The following ADAMTS2 variants were observed in gnomAD, a reference collection of about 807,000 sequenced individuals.
ADAMTS2 encodes the protein A disintegrin and metalloproteinase with thrombospondin motifs 2.
Under a neutral mutation model 123.0 loss-of-function variants are expected in ADAMTS2, and 50 were observed. The ratio of observed to expected loss-of-function variants is 0.41; its 90% CI spans 0.32 to 0.51. The LOEUF is 0.51. ADAMTS2 is among the 20% of genes least tolerant of loss of function. ADAMTS2 has a pLI of 0.35. For missense variants in ADAMTS2, 1,494 were observed against 1,705.2 expected (o/e 0.88, Z 2.18); for synonymous variants, 678 against 695.4 (o/e 0.98, Z 0.39).
chr5:179,145,924 C>T (rs949453116), intron 10 of ADAMTS2, among the ~76,000 whole-genome samples: 3 of 152,206 alleles, frequency 2.0e-5, no homozygotes, highest in Non-Finnish European at 2.9e-5. Context: ...GAGATCTCGG[C>T]TCACCGCAAC....
intron 3 of ADAMTS2, among the ~76,000 whole-genome samples, chr5:179,264,782 G>A (rs1292840905): frequency 6.6e-6 from 1 of 152,152 alleles, no homozygotes; most frequent in Non-Finnish European, 1.5e-5. Context: ...CTGCACCCAG[G>A]TACAGTGGAG....
rs1763147054 is a variant in ADAMTS2 at position 179,140,638 on chromosome 5, G to A, written c.1630-603C>T. 2.0e-5 allele frequency among the ~76,000 whole-genome samples: 3 copies of A among 152,006 alleles called. No individual in the cohort carries two copies. The South Asian group carries it at 6.2e-4, about 32-fold the overall frequency. ...TTAAGAAGAAGATTGCAAAATTAAA[G>A]AATTAAATTAGGTGCAAAATGGGTT... On this transcript the variant is annotated intron_variant, in intron 10 of 21. Coordinates refer to ENST00000251582, the MANE Select transcript of ADAMTS2 (RefSeq NM_014244.5).
chr5:179,299,116 T>C (rs573094917), intron 2 of ADAMTS2, among the ~76,000 whole-genome samples: 4 of 151,978 alleles, frequency 2.6e-5, no homozygotes, highest in Admixed American at 6.6e-5. Context: ...AACCTAAAGA[T>C]GTTGATACAA....
intron 11 of ADAMTS2, among the ~76,000 whole-genome samples, chr5:179,138,979 TTTTG>T (rs376322301): frequency 2.0e-5 from 3 of 152,156 alleles, no homozygotes; most frequent in Admixed American, 6.5e-5. Context: ...TGGAAATCTG[TTTTG>T]TTTGTTTTTC....
chr5:179,160,884 G>A (rs1283127722), intron 5 of ADAMTS2, among the ~76,000 whole-genome samples: 1 of 152,058 alleles, frequency 6.6e-6, no homozygotes, highest in African/African-American at 2.4e-5. Context: ...TTTTCGGTTG[G>A]AGCATCTAAT....
rs1295183440 is a variant in ADAMTS2, at chr5:179,122,792, C to A, written c.2959-19G>T. On this transcript the variant is annotated intron_variant, in intron 19 of 21. Coordinates refer to ENST00000251582, the MANE Select transcript of ADAMTS2 (RefSeq NM_014244.5). ...CTGAGCACTGCAGGGGGAGAGTCGCCAGGCAGGGTTCACCTCCCACACAGG... is the reference window on the plus strand; with the variant it reads ...CTGAGCACTGCAGGGGGAGAGTCGCAAGGCAGGGTTCACCTCCCACACAGG... The A allele has an allele frequency of 6.4e-7, 1 of 1,552,768 alleles. No individual in the cohort carries two copies.
At chr5:179,182,618 G>T (rs1183968280) in intron 4 of ADAMTS2, among the ~76,000 whole-genome samples, 2 of 152,190 alleles carry the variant, frequency 1.3e-5, no homozygotes, top group Non-Finnish European at 2.9e-5. Flanking sequence ...GTGGGGCAGA[G>T]TTCATGACAT....
intron 13 of ADAMTS2, among the ~76,000 whole-genome samples, chr5:179,135,370 C>T (rs1257954536): frequency 6.6e-6 from 1 of 152,214 alleles, no homozygotes; most frequent in South Asian, 2.1e-4. Context: ...AGTCTATGTT[C>T]ATGTCACCGT....
intron 2 of ADAMTS2, among the ~76,000 whole-genome samples, chr5:179,341,057 C>T (rs1757758190): frequency 6.6e-6 from 1 of 152,166 alleles, no homozygotes; most frequent in Non-Finnish European, 1.5e-5. Flanking sequence ...CCTCCCAGAG[C>T]CTGAGTGCTC....
At chr5:179,271,799 G>T (rs1408510907) in intron 3 of ADAMTS2, among the ~76,000 whole-genome samples, 2 of 152,248 alleles carry the variant, frequency 1.3e-5, no homozygotes, top group South Asian at 2.1e-4. Context: ...AAGTATGCCT[G>T]CCAGGCTGTA....
intron 3 of ADAMTS2, among the ~76,000 whole-genome samples, chr5:179,210,863 C>T (rs1200566068): frequency 6.6e-6 from 1 of 152,234 alleles, no homozygotes; most frequent in Admixed American, 6.5e-5. Flanking sequence ...TAAGATTGAC[C>T]CTGACCCTGT....
chr5:179,158,421 T>C lies in ADAMTS2; in HGVS notation c.1132+302A>G, dbSNP rs1336945884. Among the ~76,000 whole-genome samples, 2 of 152,218 alleles carry C rather than the reference T, an allele frequency of 1.3e-5. No homozygotes were observed. The highest frequency in any genetic ancestry group is 2.9e-5 in the Non-Finnish European group (2 of 68,026). ...GTGAGTGGAGGTGACAGGCCTCCTT[T>C]CTTTCCAAATTGGCCCCACACCATT... On this transcript the variant is annotated intron_variant, in intron 6 of 21. Coordinates refer to ENST00000251582, the MANE Select transcript of ADAMTS2 (RefSeq NM_014244.5). This position sits in a 1 kb window ranked among gnomAD's most constrained non-coding sequence, Gnocchi z 5.0.
intron 3 of ADAMTS2, among the ~76,000 whole-genome samples, chr5:179,229,999 T>C (rs1765372731): frequency 6.6e-6 from 1 of 152,220 alleles, no homozygotes; most frequent in African/African-American, 2.4e-5. Context: ...CTTGGCACAC[T>C]GCACCAAAGC....
Position 179,273,024 on chromosome 5 carries a change from T to C in ADAMTS2, c.575A>G (p.Glu192Gly). 1 of 1,613,506 alleles carries C rather than the reference T, an allele frequency of 6.2e-7. No homozygotes were observed. Reference protein sequence around the residue: ...IRMEEEEFFIEPLEKGLAAQE... With the variant: ...IRMEEEEFFIGPLEKGLAAQE... The stretch of plus-strand genomic sequence containing the variant: ...CGCCGCCAGCCCCTTCTCCAAGGGT[T>C]CGATGAAGAACTCCTCCTCCTCCAT... Residue 192 changes from glutamate (E) to glycine (G), a missense_variant, in exon 3 of 22, where the codon GAA becomes GGA. Glu to Gly is a moderately conservative substitution (Grantham distance 98). Coordinates refer to ENST00000251582, the MANE Select transcript of ADAMTS2 (RefSeq NM_014244.5).
intron 2 of ADAMTS2, among the ~76,000 whole-genome samples, chr5:179,341,581 C>A (rs1017538251): frequency 6.6e-6 from 1 of 151,848 alleles, no homozygotes; most frequent in Admixed American, 6.6e-5. Context: ...CACGTGGTGG[C>A]AGGCGCCTGT....
In ADAMTS2 at chr5:179,225,882, G is replaced by T. The variant is rs1201466804; in HGVS notation, c.689-18167C>A. 6.6e-6 allele frequency among the ~76,000 whole-genome samples: 1 copy of T among 152,200 alleles called. No individual in the cohort carries two copies. Among genetic ancestry groups the T allele is most frequent in the Non-Finnish European group, 1.5e-5 (1 of 68,044 alleles). The stretch of plus-strand genomic sequence containing the variant: ...GAGATACAGAAAGCCCTCTGTCCTT[G>T]CGACAAGGTAGAGGGTCTAACTGAG... On this transcript the variant is annotated intron_variant, in intron 3 of 21. Transcript: ENST00000251582. This position sits in a 1 kb window ranked among gnomAD's most constrained non-coding sequence, Gnocchi z 4.5.
intron 1 of ADAMTS2, among the ~76,000 whole-genome samples, chr5:179,344,511 C>A (rs1757882833): frequency 6.6e-6 from 1 of 152,234 alleles, no homozygotes; most frequent in South Asian, 2.1e-4. Flanking sequence ...CTTGCACCTA[C>A]CGTCCTTGGC....
At chr5:179,161,001 A>C (rs1469742379) in intron 5 of ADAMTS2, among the ~76,000 whole-genome samples, 3 of 152,196 alleles carry the variant, frequency 2.0e-5, no homozygotes, top group African/African-American at 7.2e-5. Context: ...TGAGACCCGA[A>C]TCCTCCGCCA....
intron 2 of ADAMTS2, among the ~76,000 whole-genome samples, chr5:179,283,948 T>TATTATC (rs1755919881): frequency 1.2e-5 from 1 of 83,002 alleles, no homozygotes; most frequent in Non-Finnish European, 2.5e-5. Context: ...GTCAGATGAT[T>TATTATC]ATTATTATTA....
Sources: allele counts gnomAD v4.1 joint callset (sites outside exome capture counted in the v4.1 genomes callset), GRCh38; gene constraint gnomAD v4.1.1; non-coding constraint Gnocchi (gnomAD v3.1); transcripts MANE v1.5; gene names NCBI Gene and HGNC (gene_info 2026-07-23, HGNC 2026-07-21).